The following FANCI variants were observed in gnomAD, a reference collection of about 807,000 sequenced individuals.
The protein encoded by FANCI is FA complementation group I, also known as Fanconi anemia group I protein.
Under a neutral mutation model 176.1 loss-of-function variants are expected in FANCI, and 156 were observed. The observed-to-expected ratio is 0.89, with a 90% CI of 0.78 to 1.01. The LOEUF (loss-of-function observed/expected upper bound fraction) is 1.01, where lower values mean the gene tolerates loss of function less well. FANCI is among the 50% of genes least tolerant of loss of function. The probability of loss-of-function intolerance (pLI) is 0.00; values close to 1 mark genes in which losing one functional copy is unlikely to be tolerated. For missense variants in FANCI, 1,678 were observed against 1,534.1 expected (o/e 1.09, Z -1.57); for synonymous variants, 613 against 541.7 (o/e 1.13, Z -1.83).
At chr15:89,315,818 C>T (rs1256920016) in intron 37 of FANCI, among the ~76,000 whole-genome samples, 2 of 152,146 alleles carry the variant, frequency 1.3e-5, no homozygotes, top group African/African-American at 4.8e-5. Context: ...GTGGTTTGTT[C>T]CTCTCCCTTT....
intron 10 of FANCI, chr15:89,268,747 G>A: frequency 1.9e-6 from 1 of 513,668 alleles, no homozygotes; most frequent in Non-Finnish European, 3.4e-6. Context: ...ACATCCTTAA[G>A]CAAGCCAGAA....
At chr15:89,248,235 G>A (rs1001535421) in intron 2 of FANCI, among the ~76,000 whole-genome samples, 3 of 152,130 alleles carry the variant, frequency 2.0e-5, no homozygotes, top group Admixed American at 6.6e-5. Flanking sequence ...ATGTTAGGCT[G>A]TTTCTTCTCC....
chr15:89,278,505 C>A (rs547606775), intron 13 of FANCI, among the ~76,000 whole-genome samples, 182 bp from the exon 14 acceptor site: 28 of 152,306 alleles, frequency 1.8e-4, no homozygotes, highest in South Asian at 2.1e-4. Context: ...ACTAATGAAT[C>A]ATCTAAGCAC....
chr15:89,263,075 A>C (rs1435989326), intron 6 of FANCI, among the ~76,000 whole-genome samples: 2 of 152,246 alleles, frequency 1.3e-5, no homozygotes, highest in Non-Finnish European at 2.9e-5. Context: ...ATAAGCATGT[A>C]CATGGCATAT....
intron 35 of FANCI, 35 bp downstream of exon 35, chr15:89,313,007 G>C (rs202228675): frequency 1.3e-6 from 2 of 1,597,944 alleles, no homozygotes; most frequent in South Asian, 2.2e-5. Context: ...AAATATGCTT[G>C]TTGGTGAACC....
chr15:89,289,952 A>G (rs896022593), intron 18 of FANCI, among the ~76,000 whole-genome samples: 2 of 152,064 alleles, frequency 1.3e-5, no homozygotes, highest in African/African-American at 4.8e-5. Context: ...TCAGCCTCCC[A>G]CAGTGCTGGG....
Position 89,306,196 on chromosome 15 carries a change from T to C in FANCI, c.3537+2T>C. On this transcript the variant is annotated splice_donor_variant, in intron 32 of 37. Transcript: ENST00000310775. LOFTEE classifies it high-confidence loss of function. Reference sequence around the variant, plus strand: ...ACACTTACAGCCCTTGTCAGATATGTGAGTATTTGAGACAAGCAGATTCGC... The same window carrying C: ...ACACTTACAGCCCTTGTCAGATATGCGAGTATTTGAGACAAGCAGATTCGC... 1 of 1,613,814 alleles carries C rather than the reference T, an allele frequency of 6.2e-7. No homozygotes were observed. The highest frequency in any genetic ancestry group is 8.5e-7 in the Non-Finnish European group (1 of 1,179,794).
intron 8 of FANCI, 77 bp downstream of exon 8, chr15:89,264,103 G>GT: frequency 6.5e-7 from 1 of 1,539,760 alleles, no homozygotes; most frequent in South Asian, 1.1e-5. Flanking sequence ...CATACCCTTG[G>GT]TTTATATAGC....
intron 2 of FANCI, among the ~76,000 whole-genome samples, chr15:89,249,436 C>T (rs2151078126): frequency 6.6e-6 from 1 of 152,338 alleles, no homozygotes; most frequent in African/African-American, 2.4e-5. Context: ...CAGCCTCAAC[C>T]TCCTGGGCTC....
At chr15:89,287,037 A>C (rs908743274) in intron 18 of FANCI, among the ~76,000 whole-genome samples, 2 of 132,180 alleles carry the variant, frequency 1.5e-5, no homozygotes, top group Non-Finnish European at 3.1e-5. Context: ...GCAGTGGCAC[A>C]ATCTCGGCTC....
rs766010960 is a variant in FANCI at position 89,247,613 on chromosome 15, C to T, written c.-19-16C>T. On this transcript the variant is annotated splice_polypyrimidine_tract_variant and intron_variant, in intron 1 of 37. Coordinates refer to ENST00000310775, the MANE Select transcript of FANCI (RefSeq NM_001113378.2). ...TTCTGGAATCTTCACCCACCTCTGA[C>T]GTTTTTCCCTTGTAGTTCTGTGATA... The T allele has an allele frequency of 1.9e-6, 3 of 1,568,678 alleles. No individual in the cohort carries two copies. The highest frequency in any genetic ancestry group is 1.1e-5 in the South Asian group (1 of 90,134).
At chr15:89,261,428 C>T (rs763466687) in intron 4 of FANCI, among the ~76,000 whole-genome samples, 157 bp from the exon 5 acceptor site, 1 of 152,200 alleles carries the variant, frequency 6.6e-6, no homozygotes, top group Non-Finnish European at 1.5e-5. Context: ...ATTATAACTA[C>T]GTACCAGACA....
chr15:89,265,340 T>A lies in FANCI; in HGVS notation c.755+733T>A, dbSNP rs537401979. On this transcript the variant is annotated intron_variant, in intron 9 of 37. Transcript: ENST00000310775. ...CTCCTGCCTCAGCCTCCTGAGTATC[T>A]GGTACTACAGGTGCGCACCACTACG... 1.1e-4 allele frequency among the ~76,000 whole-genome samples: 16 copies of A among 152,274 alleles called. 1 individual carries two copies. The highest frequency in any genetic ancestry group is 9.2e-4 in the Admixed American group (14 of 15,286).
intron 10 of FANCI, among the ~76,000 whole-genome samples, chr15:89,270,293 T>C (rs2053151288): frequency 6.6e-6 from 1 of 152,254 alleles, no homozygotes; most frequent in Non-Finnish European, 1.5e-5. Context: ...TTTGTGAGGC[T>C]GAATCATTTG....
In FANCI at chr15:89,299,804, T is replaced by C. The variant is rs573955780; in HGVS notation, c.2641T>C (p.Leu881=). Residue 881 remains leucine (L), a synonymous_variant, in exon 25 of 38, where the codon TTG becomes CTG. Coordinates refer to ENST00000310775, the MANE Select transcript of FANCI (RefSeq NM_001113378.2). ...FQNLCDITRV[L]LWRYTSIPTS... ...TACCACTTTCTCCTGCTTCAGAGTCTTGCTATGGAGATACACTTCAATTCC... is the reference window on the plus strand; with the variant it reads ...TACCACTTTCTCCTGCTTCAGAGTCCTGCTATGGAGATACACTTCAATTCC... 1 of 1,613,540 alleles carries C rather than the reference T, an allele frequency of 6.2e-7. No individual in the cohort carries two copies. Among genetic ancestry groups the C allele is most frequent in the Non-Finnish European group, 8.5e-7 (1 of 1,179,782 alleles).
In FANCI at chr15:89,294,960, C is replaced by G; in HGVS notation, c.2502C>G (p.Ser834=). Residue 834 remains serine (S), a synonymous_variant, in exon 24 of 38, where the codon TCC becomes TCG. Transcript: ENST00000310775. ...AAGAAAGCCTTTCTGTTCTCAGGTC[C>G]AGCAATGAGTTTATGCGCTATGCAG... The part of the protein sequence containing the change: ...SHQESLSVLR[S]SNEFMRYAVN... The G allele has an allele frequency of 6.4e-7, 1 of 1,552,200 alleles. No homozygotes were observed. Among genetic ancestry groups the G allele is most frequent in the Non-Finnish European group, 8.7e-7 (1 of 1,147,114 alleles).
At chr15:89,283,349 A>C in intron 17 of FANCI, 99 bp downstream of exon 17, 4 of 1,562,014 alleles carry the variant, frequency 2.6e-6, no homozygotes, top group South Asian at 1.1e-5. Flanking sequence ...GGTTGTAAGA[A>C]TGATCCTAGA....
At chr15:89,270,104 C>T (rs989613854) in intron 10 of FANCI, among the ~76,000 whole-genome samples, 2 of 152,206 alleles carry the variant, frequency 1.3e-5, no homozygotes, top group African/African-American at 2.4e-5. Flanking sequence ...AGCCACTGCA[C>T]TGGCCTTCCT....
At chr15:89,273,559 A>G (rs2053289501) in intron 11 of FANCI, 90 bp downstream of exon 11, 2 of 816,992 alleles carry the variant, frequency 2.4e-6, no homozygotes, top group South Asian at 1.5e-5. Context: ...TTTTTGTTGT[A>G]TCCGTTCCTA....
Sources: allele counts gnomAD v4.1 joint callset (sites outside exome capture counted in the v4.1 genomes callset), GRCh38; gene constraint gnomAD v4.1.1; transcripts MANE v1.5; gene names NCBI Gene and HGNC (gene_info 2026-07-23, HGNC 2026-07-21).